Variants in MAN1C1 observed in about 807,000 individuals in gnomAD.
MAN1C1 encodes the protein mannosidase alpha class 1C member 1, also known as mannosyl-oligosaccharide 1,2-alpha-mannosidase IC.
Under a neutral mutation model 71.5 loss-of-function variants are expected in MAN1C1, and 49 were observed. That is an observed-to-expected ratio of 0.69 (90% confidence interval 0.54 to 0.87). MAN1C1 has a LOEUF of 0.87. Among genes scored for constraint, MAN1C1 ranks in the 40% least tolerant of loss-of-function variants. The pLI, the probability that MAN1C1 is intolerant of heterozygous loss-of-function variation, is 0.00. For missense variants in MAN1C1, 743 were observed against 835.0 expected, an observed-to-expected ratio of 0.89 and a Z score of 1.36; for synonymous variants, 352 against 343.7, an observed-to-expected ratio of 1.02 and a Z score of -0.27.
chr1:25,647,621 C>T (rs1470119843), intron 1 of MAN1C1, among the ~76,000 whole-genome samples: 2 of 152,148 alleles, frequency 1.3e-5, no homozygotes, highest in African/African-American at 2.4e-5. Context: ...AAACTACCCT[C>T]GAAAATCTCT....
chr1:25,721,097 C>G (rs1277063417), intron 2 of MAN1C1, among the ~76,000 whole-genome samples: 1 of 152,110 alleles, frequency 6.6e-6, no homozygotes, highest in Non-Finnish European at 1.5e-5. Context: ...AATGTGAGTA[C>G]TCCATCTTTG....
chr1:25,707,292 C>A (rs1190539357), intron 2 of MAN1C1, among the ~76,000 whole-genome samples: 1 of 152,202 alleles, frequency 6.6e-6, no homozygotes, highest in Non-Finnish European at 1.5e-5. Context: ...GGCCCCTGGA[C>A]TTACCGTCAA....
At chr1:25,766,628 AC>A (rs138506954) in intron 7 of MAN1C1, among the ~76,000 whole-genome samples, 8,681 of 151,994 alleles carry the variant, frequency 0.057, 772 homozygotes, top group African/African-American at 0.19. Flanking sequence ...GAGCCCCAAG[AC>A]CCGTCCTATT....
intron 1 of MAN1C1, among the ~76,000 whole-genome samples, chr1:25,642,504 A>G (rs765331063): frequency 2.6e-5 from 4 of 152,222 alleles, no homozygotes; most frequent in Non-Finnish European, 5.9e-5. Flanking sequence ...GAAAGTGAGA[A>G]TATGCTGTAG....
Position 25,617,792 on chromosome 1 carries a change from G to C in MAN1C1, c.-6G>C. ...GAGGGCTTCTGGAGCCACCGGCCGG[G>C]CCACGATGCTCATGAGGAAAGTGCC... On this transcript the variant is annotated 5_prime_UTR_variant, in exon 1 of 12. Coordinates refer to ENST00000374332, the MANE Select transcript of MAN1C1 (RefSeq NM_020379.4). This position sits in a 1 kb window ranked among gnomAD's most constrained non-coding sequence, Gnocchi z 5.1. 2.5e-6 allele frequency: 4 copies of C among 1,586,666 alleles called. No homozygotes were observed. The East Asian group carries it at 9.5e-5, about 38-fold the overall frequency.
intron 1 of MAN1C1, among the ~76,000 whole-genome samples, chr1:25,683,966 T>A (rs781765538): frequency 1.3e-5 from 2 of 152,180 alleles, no homozygotes; most frequent in Non-Finnish European, 2.9e-5. Flanking sequence ...TTGGTTTGGA[T>A]AACTATGAAA....
At chr1:25,695,461 T>C (rs1157997831) in intron 2 of MAN1C1, among the ~76,000 whole-genome samples, 3 of 152,154 alleles carry the variant, frequency 2.0e-5, no homozygotes, top group Non-Finnish European at 2.9e-5. Flanking sequence ...GGTGGTCTCC[T>C]TGTGGCCTTG....
In MAN1C1 at chr1:25,686,386, G is replaced by A. The variant is rs544498437; in HGVS notation, c.541-54G>A. The A allele has an allele frequency of 8.1e-6, 12 of 1,480,076 alleles. No homozygotes were observed. In the East Asian group the frequency reaches 1.4e-4, roughly 17 times the overall value. The allele number at this position is 1,480,076 out of a possible 1,614,324, so 91.7% of individuals were successfully genotyped here. A position where few individuals can be genotyped will look rare whatever the true frequency, so the allele number is the denominator to read the frequency against. ...AGGGGCAAAGCCAGGCGGCCAGTGC[G>A]CACTGCCAGGAATCGTCACACTGAG... is the stretch of plus-strand genomic sequence containing the variant. On this transcript the variant is annotated intron_variant, in intron 1 of 11. Coordinates refer to ENST00000374332, the MANE Select transcript of MAN1C1 (RefSeq NM_020379.4).
intron 7 of MAN1C1, among the ~76,000 whole-genome samples, chr1:25,767,897 C>A (rs1180346375): frequency 8.4e-6 from 1 of 119,358 alleles, no homozygotes; most frequent in Non-Finnish European, 1.7e-5. Context: ...ACACTCCCCT[C>A]ATACACACAC....
intron 1 of MAN1C1, among the ~76,000 whole-genome samples, chr1:25,633,769 T>C (rs1211541017): frequency 6.6e-6 from 1 of 152,240 alleles, no homozygotes; most frequent in East Asian, 1.9e-4. Context: ...AGGCCATTTA[T>C]GTTCAACATT....
At chr1:25,697,844 C>T (rs1382646305) in intron 2 of MAN1C1, among the ~76,000 whole-genome samples, 1 of 152,206 alleles carries the variant, frequency 6.6e-6, no homozygotes, top group East Asian at 1.9e-4. Context: ...GTTCTGCCAG[C>T]TGTGTGTGAG....
intron 7 of MAN1C1, among the ~76,000 whole-genome samples, chr1:25,768,227 A>ACACACTCCCCTCACACACC (rs2047478389): frequency 7.0e-5 from 5 of 71,500 alleles, no homozygotes; most frequent in Admixed American, 1.6e-4. Context: ...CACACATTAC[A>ACACACTCCCCTCACACACC]CACACTCCCC....
intron 5 of MAN1C1, among the ~76,000 whole-genome samples, chr1:25,755,795 A>G (rs977842166): frequency 1.3e-5 from 2 of 152,222 alleles, no homozygotes; most frequent in Non-Finnish European, 2.9e-5. Context: ...GGGAAGGGGC[A>G]TTGTGGAGCA....
In MAN1C1 at chr1:25,618,280, C is replaced by G. The variant is rs1199978848; in HGVS notation, c.483C>G (p.Ala161=). 3 of 1,603,760 alleles carry G rather than the reference C, an allele frequency of 1.9e-6. No homozygotes were observed. The highest frequency in any genetic ancestry group is 1.3e-5 in the African/African-American group (1 of 74,686). The part of the protein sequence containing the change: ...RLRHPVLGTR[A]DESQEPQSQV... ...GCCACCCGGTCCTGGGAACGAGGGC[C>G]GATGAGAGTCAGGAGCCCCAGAGCC... Residue 161 remains alanine, a synonymous_variant, in exon 1 of 12, where the codon GCC becomes GCG. Coordinates refer to ENST00000374332, the MANE Select transcript of MAN1C1 (RefSeq NM_020379.4).
At position 25,771,679 on chromosome 1, in the gene MAN1C1, CG is replaced by C. The variant is rs2047553715; in HGVS notation, c.1168del (p.Asp390ThrfsTer7). The part of the protein sequence containing the change: ...VQHHVSVGGL[G>X]DSFYEYLIKS... ...CAGACCATGTCTCAGTTGGAGGACTCGGGGACAGTTTTTATGAATATTTGAT... is the reference window on the plus strand; with the variant it reads ...CAGACCATGTCTCAGTTGGAGGACTCGGGACAGTTTTTATGAATATTTGAT... On this transcript the variant is annotated frameshift_variant, in exon 8 of 12. Coordinates refer to ENST00000374332, the MANE Select transcript of MAN1C1 (RefSeq NM_020379.4). LOFTEE classifies it high-confidence loss of function. 1 of 1,613,950 alleles carries C rather than the reference CG, an allele frequency of 6.2e-7. No homozygotes were observed. Among genetic ancestry groups the C allele is most frequent in the East Asian group, 2.2e-5 (1 of 44,892 alleles).
rs1259470945 is a variant in MAN1C1, at chr1:25,763,895, C to T, written c.1069C>T (p.Leu357Phe). The T allele has an allele frequency of 1.9e-6, 3 of 1,613,784 alleles. No individual in the cohort carries two copies. Among genetic ancestry groups the T allele is most frequent in the Non-Finnish European group, 2.5e-6 (3 of 1,180,020 alleles). Residue 357 changes from leucine to phenylalanine, a missense_variant, in exon 7 of 12, where the codon CTC becomes TTC. Coordinates refer to ENST00000374332, the MANE Select transcript of MAN1C1 (RefSeq NM_020379.4). ...AEKVRNIRKV[L>F]RKIEKPFGLY... is the part of the protein sequence containing the mutation. ...GCAGGTCAGGAACATCCGCAAGGTC[C>T]TCAGGAAGATCGAAAAGCCCTTTGG...
chr1:25,623,781 A>G (rs1358971731), intron 1 of MAN1C1, among the ~76,000 whole-genome samples: 2 of 152,174 alleles, frequency 1.3e-5, no homozygotes, highest in African/African-American at 2.4e-5. Context: ...TCTGTGTTAG[A>G]GGAAGTGTTG....
chr1:25,674,073 C>T (rs971379452), intron 1 of MAN1C1, among the ~76,000 whole-genome samples: 5 of 152,224 alleles, frequency 3.3e-5, no homozygotes, highest in African/African-American at 7.2e-5. Flanking sequence ...GGACCTGTCC[C>T]AATGCAGTGG....
At chr1:25,658,392 G>A (rs542235112) in intron 1 of MAN1C1, among the ~76,000 whole-genome samples, 1 of 152,302 alleles carries the variant, frequency 6.6e-6, no homozygotes, top group Admixed American at 6.5e-5. Context: ...TTCATGGGGA[G>A]TGAAGGCAGG....
Sources: allele counts gnomAD v4.1 joint callset (sites outside exome capture counted in the v4.1 genomes callset), GRCh38; gene constraint gnomAD v4.1.1; non-coding constraint Gnocchi (gnomAD v3.1); transcripts MANE v1.5; gene names NCBI Gene and HGNC (gene_info 2026-07-23, HGNC 2026-07-21).